PRICKLE2: variants seen among roughly 807,000 people sequenced by gnomAD.
PRICKLE2 encodes prickle-like protein 2.
Under a neutral mutation model 81.4 loss-of-function variants are expected in PRICKLE2, and 21 were observed. The observed-to-expected ratio is 0.26, with a 90% CI of 0.18 to 0.37. The LOEUF (loss-of-function observed/expected upper bound fraction) is 0.37, where lower values mean the gene tolerates loss of function less well. Ranked by LOEUF, PRICKLE2 falls within the 10% of genes least tolerant of loss-of-function variation. The pLI is 1.00. For synonymous variants in PRICKLE2, 456 were observed against 421.5 expected (o/e 1.08, Z -1.00); for missense variants, 940 against 1,109.0 (o/e 0.85, Z 2.16).
chr3:64,121,418 G>T (rs1360594018), intron 7 of PRICKLE2, among the ~76,000 whole-genome samples: 1 of 151,952 alleles, frequency 6.6e-6, no homozygotes, highest in African/African-American at 2.4e-5. Context: ...TCATAAACAT[G>T]TTTTGAGAAA....
intron 2 of PRICKLE2, among the ~76,000 whole-genome samples, chr3:64,265,695 C>G (rs2079693542): frequency 6.6e-6 from 1 of 152,182 alleles, no homozygotes; most frequent in African/African-American, 2.4e-5. Context: ...GACCACTTAG[C>G]CTGCTCTGCA....
At chr3:64,107,880 T>C (rs1575543503) in intron 7 of PRICKLE2, among the ~76,000 whole-genome samples, 1 of 152,234 alleles carries the variant, frequency 6.6e-6, no homozygotes, top group African/African-American at 2.4e-5. Flanking sequence ...TATTCAACCA[T>C]GTCCTCCAGA....
intron 1 of PRICKLE2, among the ~76,000 whole-genome samples, chr3:64,211,658 A>C (rs1007330143): frequency 6.6e-5 from 10 of 152,358 alleles, no homozygotes; most frequent in African/African-American, 2.2e-4. Flanking sequence ...CTATTCTTGT[A>C]ACTTTGATCT....
chr3:64,110,204 T>C (rs2076820821), intron 7 of PRICKLE2, among the ~76,000 whole-genome samples: 1 of 152,122 alleles, frequency 6.6e-6, no homozygotes, highest in Non-Finnish European at 1.5e-5. Context: ...TTGCTCTGGG[T>C]TTACACTGAC....
At chr3:64,210,943 G>C (rs2107135509) in intron 1 of PRICKLE2, among the ~76,000 whole-genome samples, 1 of 152,286 alleles carries the variant, frequency 6.6e-6, no homozygotes, top group South Asian at 2.1e-4. Flanking sequence ...AATGAAAGTG[G>C]GGAAGGGTAG....
At chr3:64,226,558 T>C (rs186251427), upstream of PRICKLE2, among the ~76,000 whole-genome samples, 30 of 152,360 alleles carry the variant, frequency 2.0e-4, no homozygotes, top group African/African-American at 6.7e-4. Flanking sequence ...AAGGGCCTTA[T>C]GGGCTACTGC....
chr3:64,101,909 A>T (rs1403418352), intron 7 of PRICKLE2: 1 of 152,262 alleles, frequency 6.6e-6, no homozygotes, highest in Non-Finnish European at 1.5e-5. Context: ...AGGTAAAATC[A>T]GACAACACCT....
At chr3:64,148,155 C>G (rs2077488223) in intron 6 of PRICKLE2, among the ~76,000 whole-genome samples, 1 of 152,120 alleles carries the variant, frequency 6.6e-6, no homozygotes, top group Non-Finnish European at 1.5e-5. Flanking sequence ...GGTAACATAA[C>G]TAGGAACCAG....
chr3:64,232,457 A>T (rs1010245651), intron 2 of PRICKLE2, among the ~76,000 whole-genome samples: 2 of 152,194 alleles, frequency 1.3e-5, no homozygotes, highest in African/African-American at 4.8e-5. Context: ...GTGGGAAAGG[A>T]AAGGATGGAG....
intron 2 of PRICKLE2, 189 bp from the exon 3 acceptor site, chr3:64,163,318 C>T (rs917075926): frequency 3.2e-6 from 2 of 633,138 alleles, no homozygotes; most frequent in Non-Finnish European, 5.7e-6. Context: ...AAGAGTCAGG[C>T]AAATCATCCA....
chr3:64,247,576 A>G (rs770138216), intron 2 of PRICKLE2, among the ~76,000 whole-genome samples: 18 of 152,174 alleles, frequency 1.2e-4, no homozygotes, highest in Non-Finnish European at 2.5e-4. Context: ...AAAATTTTTC[A>G]GCAATTAGGA....
chr3:64,172,200 T>G (rs2077944268), intron 2 of PRICKLE2, among the ~76,000 whole-genome samples: 1 of 152,248 alleles, frequency 6.6e-6, no homozygotes, highest in Non-Finnish European at 1.5e-5. Flanking sequence ...ACTTGGGGTT[T>G]GAACATTTTC....
intron 1 of PRICKLE2, among the ~76,000 whole-genome samples, chr3:64,209,827 A>G (rs2078757095): frequency 6.6e-6 from 1 of 152,244 alleles, no homozygotes; most frequent in South Asian, 2.1e-4. Flanking sequence ...AAGTGTTATG[A>G]CAGAAATAGG....
rs1401575713 is a variant in PRICKLE2, at chr3:64,099,887, G to A, written c.1699C>T (p.Leu567=). 5 of 1,614,232 alleles carry A rather than the reference G, an allele frequency of 3.1e-6. No homozygotes were observed. The highest frequency in any genetic ancestry group is 2.2e-5 in the East Asian group (1 of 44,874). The change falls in exon 8 of 8, where the codon CTA becomes TTA. Residue 567 remains leucine, a synonymous_variant. Transcript: ENST00000638394. The surrounding 1 kb of genome is among the most constrained non-coding windows in gnomAD (Gnocchi z 4.3). ...AGGTCAGGCATGGAAAATCGGGATA[G>A]GTGCTCCTGGCGCTTGGCACCACCA... ...ADGGAKRQEH[L]SRFSMPDLSK...
intron 7 of PRICKLE2, among the ~76,000 whole-genome samples, chr3:64,103,898 T>C (rs1381687407): frequency 6.6e-6 from 1 of 152,154 alleles, no homozygotes; most frequent in African/African-American, 2.4e-5. Flanking sequence ...CAGTATCACC[T>C]GAGCCCAGGA....
At chr3:64,145,951 T>TC (rs1263910663) in intron 7 of PRICKLE2, 1 of 152,092 alleles carries the variant, frequency 6.6e-6, no homozygotes, top group Non-Finnish European at 1.5e-5. Context: ...CCTAATGCCA[T>TC]CACCTTGGGA....
intron 1 of PRICKLE2, among the ~76,000 whole-genome samples, chr3:64,203,891 C>G (rs529638114): frequency 6.6e-6 from 1 of 151,678 alleles, no homozygotes. Flanking sequence ...GGCACGAGAA[C>G]CGCTTGAACC....
chr3:64,133,404 C>G (rs2077227240), intron 7 of PRICKLE2, among the ~76,000 whole-genome samples: 1 of 152,128 alleles, frequency 6.6e-6, no homozygotes. Context: ...AAGGGCCTGG[C>G]TGGGCTTGTT....
At chr3:64,204,556 A>G (rs2078647075) in intron 1 of PRICKLE2, among the ~76,000 whole-genome samples, 1 of 149,292 alleles carries the variant, frequency 6.7e-6, no homozygotes, top group South Asian at 2.2e-4. Flanking sequence ...ATACCCTTTT[A>G]CTTCTGAACA....
Sources: gnomAD v4.1 joint callset for allele counts (sites outside exome capture counted in the v4.1 genomes callset) on GRCh38, gnomAD v4.1.1 for gene constraint, Gnocchi (gnomAD v3.1) non-coding constraint, MANE v1.5 for transcripts, NCBI Gene and HGNC (gene_info 2026-07-23, HGNC 2026-07-21) for gene names.